The following SLC28A3 variants were observed in gnomAD, a reference collection of about 807,000 sequenced individuals.
SLC28A3 encodes concentrative Na(+)-nucleoside cotransporter 3.
SLC28A3 carries 68 observed loss-of-function variants against 84.2 expected under a neutral mutation model. The ratio of observed to expected loss-of-function variants is 0.81; its 90% CI spans 0.66 to 0.99. SLC28A3 has a LOEUF of 0.99. SLC28A3 is among the 50% of genes least tolerant of loss of function. The probability of loss-of-function intolerance (pLI) is 0.00; values close to 1 mark genes in which losing one functional copy is unlikely to be tolerated. For missense variants in SLC28A3, 712 were observed against 841.5 expected (o/e 0.85, Z 1.90); for synonymous variants, 267 against 303.6 (o/e 0.88, Z 1.25).
intron 1 of SLC28A3, among the ~76,000 whole-genome samples, chr9:84,335,838 GA>G (rs1185725620): frequency 6.6e-6 from 1 of 152,010 alleles, no homozygotes; most frequent in Non-Finnish European, 1.5e-5. Flanking sequence ...TTACAGAGGA[GA>G]AAACAGAAAT....
chr9:84,364,110 C>T, the SLC28A3 span, among the ~76,000 whole-genome samples: 1 of 148,850 alleles, frequency 6.7e-6, no homozygotes, highest in Non-Finnish European at 1.5e-5. Flanking sequence ...ACAAAAAATC[C>T]AGTTACACTC....
At chr9:84,336,329 C>A (rs897131886) in intron 1 of SLC28A3, among the ~76,000 whole-genome samples, 6 of 129,756 alleles carry the variant, frequency 4.6e-5, no homozygotes, top group Non-Finnish European at 8.1e-5. Context: ...TTGTGAAACC[C>A]TGTCTCTACT....
upstream of SLC28A3, among the ~76,000 whole-genome samples, chr9:84,344,185 G>GTTTTTTTT (rs762125676): frequency 8.5e-6 from 1 of 118,008 alleles, no homozygotes; most frequent in African/African-American, 3.5e-5. Flanking sequence ...CATCATATGG[G>GTTTTTTTT]TTTTTTTTTT....
chr9:84,286,116 A>G lies in SLC28A3; in HGVS notation c.1281-5T>C. 1.2e-6 allele frequency: 2 copies of G among 1,612,958 alleles called. No homozygotes were observed. Among genetic ancestry groups the G allele is most frequent in the Non-Finnish European group, 1.7e-6 (2 of 1,179,310 alleles). On this transcript the variant is annotated splice_region_variant and splice_polypyrimidine_tract_variant and intron_variant, in intron 12 of 17. Transcript: ENST00000376238. ...TCTAGAAGATTCCCTGAATCACTTT[A>G]TCAAGAAATAGCAATTCCAGAATTA...
upstream of SLC28A3, chr9:84,340,816 C>CTTT: frequency 1.8e-6 from 1 of 541,442 alleles, no homozygotes; most frequent in Non-Finnish European, 3.3e-6. Context: ...TGGGGTGGGG[C>CTTT]AGAGAGGCGG....
chr9:84,334,472 G>T (rs1227084571), intron 1 of SLC28A3, among the ~76,000 whole-genome samples: 5 of 152,158 alleles, frequency 3.3e-5, no homozygotes, highest in Admixed American at 1.3e-4. Context: ...ACCCCTGGTT[G>T]GGTTTACCCC....
chr9:84,300,531 G>A (rs1376314369), intron 5 of SLC28A3, among the ~76,000 whole-genome samples: 2 of 152,216 alleles, frequency 1.3e-5, no homozygotes, highest in East Asian at 1.9e-4. Flanking sequence ...CAGGACTCAC[G>A]GCTTGCACAG....
At chr9:84,349,568 G>T in the SLC28A3 span, among the ~76,000 whole-genome samples, 3 of 152,112 alleles carry the variant, frequency 2.0e-5, no homozygotes, top group Non-Finnish European at 1.5e-5. Context: ...CCATTATGTA[G>T]AATTCTGTTA....
intron 1 of SLC28A3, among the ~76,000 whole-genome samples, chr9:84,320,225 T>G (rs1035178634): frequency 4.0e-5 from 6 of 151,516 alleles, no homozygotes; most frequent in East Asian, 2.0e-4. Flanking sequence ...CATTTTTTTT[T>G]TGTATTTTTA....
chr9:84,285,470 C>T lies in SLC28A3; in HGVS notation c.1522G>A (p.Ala508Thr). The change falls in exon 14 of 18, where the codon GCC (alanine) becomes ACC (threonine). Residue 508 changes from alanine to threonine, a missense_variant. By Grantham distance (58) the Ala-to-Thr change is moderately conservative (BLOSUM62 0). Transcript: ENST00000376238. ...GVEWQDSFMV[A>T]RLIGYKTFFN... ...AAGGTCTTATAACCTATGAGTCTGG[C>T]AACCATAAAGCTGTCCTGCCATTCC... 6.2e-7 allele frequency: 1 copy of T among 1,614,160 alleles called. No individual in the cohort carries two copies. Among genetic ancestry groups the T allele is most frequent in the South Asian group, 1.1e-5 (1 of 91,082 alleles).
At chr9:84,348,245 T>C in the SLC28A3 span, among the ~76,000 whole-genome samples, 2 of 151,754 alleles carry the variant, frequency 1.3e-5, no homozygotes, top group African/African-American at 4.8e-5. Flanking sequence ...TCGCAGCTAC[T>C]TGGGAAGCTG....
At chr9:84,280,722 A>G in intron 15 of SLC28A3, 79 bp downstream of exon 15, 1 of 1,426,156 alleles carries the variant, frequency 7.0e-7, no homozygotes, top group South Asian at 1.2e-5. Flanking sequence ...TTTTTCTGAC[A>G]TAACAGTACA....
At chr9:84,340,888 A>G (rs1300284323), upstream of SLC28A3, among the ~76,000 whole-genome samples, 1 of 151,354 alleles carries the variant, frequency 6.6e-6, no homozygotes, top group Non-Finnish European at 1.5e-5. Context: ...CTTTTCCTTT[A>G]TCCCCATTTT....
intron 1 of SLC28A3, among the ~76,000 whole-genome samples, chr9:84,314,889 T>C (rs762493082): frequency 3.1e-4 from 47 of 152,218 alleles, no homozygotes; most frequent in Admixed American, 1.2e-3. Flanking sequence ...CCATCCTGGC[T>C]AACATGGTGA....
Position 84,286,066 on chromosome 9 carries a change from G to A in SLC28A3, c.1326C>T (p.Ser442=), listed in dbSNP as rs1324593808. ...CGATGTTGGCCACCAGGGAGATGGA[G>A]GAGGATGCTCCCTGTGTTGCAGCTT... ...LLEAATQGAS[S]SISLVANIAV... Residue 442 remains serine (S), a synonymous_variant, in exon 13 of 18, where the codon TCC becomes TCT. Transcript: ENST00000376238. 1.2e-6 allele frequency: 2 copies of A among 1,614,092 alleles called. No individual in the cohort carries two copies. Among genetic ancestry groups the A allele is most frequent in the Non-Finnish European group, 8.5e-7 (1 of 1,179,990 alleles).
chr9:84,292,278 G>A (rs1288678540), intron 10 of SLC28A3, among the ~76,000 whole-genome samples: 1 of 152,168 alleles, frequency 6.6e-6, no homozygotes, highest in African/African-American at 2.4e-5. Flanking sequence ...CCTCTGAAGA[G>A]TTGACCAGAA....
chr9:84,322,465 T>C (rs1006833251), intron 1 of SLC28A3, among the ~76,000 whole-genome samples: 1 of 152,210 alleles, frequency 6.6e-6, no homozygotes, highest in East Asian at 1.9e-4. Context: ...TGTTACTTTT[T>C]GGTGATTTCT....
intron 1 of SLC28A3, among the ~76,000 whole-genome samples, chr9:84,337,431 C>CGTGTGTGTGTGTGTGTGT (rs1564181314): frequency 1.8e-4 from 26 of 145,668 alleles, no homozygotes; most frequent in African/African-American, 6.4e-4. Context: ...GGGATGCTAG[C>CGTGTGTGTGTGTGTGTGT]CTGTGTGTGT....
chr9:84,300,761 G>A (rs753756196), intron 5 of SLC28A3, among the ~76,000 whole-genome samples: 21 of 152,106 alleles, frequency 1.4e-4, no homozygotes, highest in South Asian at 2.1e-4. Context: ...ATGGGAAAGG[G>A]TCTCTCTAAC....
Sources: allele counts gnomAD v4.1 joint callset (sites outside exome capture counted in the v4.1 genomes callset), GRCh38; gene constraint gnomAD v4.1.1; transcripts MANE v1.5; gene names NCBI Gene and HGNC (gene_info 2026-07-23, HGNC 2026-07-21).